THADA: variants seen among roughly 807,000 people sequenced by gnomAD.
THADA encodes the protein THADA armadillo repeat containing.
In THADA, 213 loss-of-function variants were observed where a neutral mutation model predicts 219.8. The observed-to-expected ratio is 0.97, with a 90% CI of 0.87 to 1.09. THADA has a LOEUF of 1.09. THADA is among the 50% of genes least tolerant of loss of function. THADA has a pLI of 0.00. For synonymous variants in THADA, 1,018 were observed against 828.9 expected (o/e 1.23, Z -3.92); for missense variants, 2,956 against 2,311.3 (o/e 1.28, Z -5.72).
intron 22 of THADA, among the ~76,000 whole-genome samples, chr2:43,521,086 G>A (rs1331023280): frequency 1.5e-5 from 2 of 136,402 alleles, no homozygotes; most frequent in Admixed American, 7.4e-5. Flanking sequence ...AGGGAAGGAA[G>A]GGAAGGGAGG....
intron 31 of THADA, among the ~76,000 whole-genome samples, chr2:43,301,351 A>G (rs1477564913): frequency 1.3e-5 from 2 of 152,258 alleles, no homozygotes; most frequent in Admixed American, 6.5e-5. Context: ...AATACGCACT[A>G]TGAATGTTCC....
chr2:43,566,764 A>G lies in THADA; in HGVS notation c.2245T>C (p.Tyr749His). 6.4e-7 allele frequency: 1 copy of G among 1,563,300 alleles called. No homozygotes were observed. The highest frequency in any genetic ancestry group is 8.6e-7 in the Non-Finnish European group (1 of 1,162,538). Residue 749 changes from tyrosine to histidine, a missense_variant, in exon 15 of 38, where the codon TAC becomes CAC. Transcript: ENST00000405975. ...GTTAAAGCTGAAAATCTAGTCGAGT[A>G]GGAAGATCCAGGAAACAATGCTTCA... is the stretch of plus-strand genomic sequence containing the variant. ...LFEALFPGSS[Y>H]STRFSALTIL...
At chr2:43,465,877 C>T (rs777314441) in intron 26 of THADA, among the ~76,000 whole-genome samples, 1 of 152,192 alleles carries the variant, frequency 6.6e-6, no homozygotes, top group Non-Finnish European at 1.5e-5. Flanking sequence ...AACTTGGTAT[C>T]TTCCCCCACC....
chr2:43,322,361 G>A (rs1423770561), intron 30 of THADA, among the ~76,000 whole-genome samples: 3 of 151,754 alleles, frequency 2.0e-5, no homozygotes, highest in Admixed American at 6.6e-5. Flanking sequence ...AAAATGAGCC[G>A]GGCAGGGTGG....
At chr2:43,575,216 A>C (rs1699733435) in intron 10 of THADA, among the ~76,000 whole-genome samples, 189 bp from the exon 11 acceptor site, 2 of 152,234 alleles carry the variant, frequency 1.3e-5, no homozygotes, top group Admixed American at 1.3e-4. Context: ...GATTCTTTTT[A>C]CCTTGTAAAA....
intron 1 of THADA, among the ~76,000 whole-genome samples, chr2:43,595,313 G>T (rs1019236029): frequency 6.6e-5 from 10 of 152,280 alleles, no homozygotes; most frequent in Middle Eastern, 3.4e-3. Context: ...ACGCAGCTAG[G>T]AAAGTGTCGA....
Position 43,291,454 on chromosome 2 carries a change from C to CAAAAAAAAAAA in THADA, c.5010+231_5010+241dup, listed in dbSNP as rs765352765. Among the ~76,000 whole-genome samples the CAAAAAAAAAAA allele has an allele frequency of 9.9e-3, 80 of 8,086 alleles. 9 individuals carry two copies. The highest frequency in any genetic ancestry group is 0.024 in the African/African-American group (52 of 2,196). 5.3% of individuals were successfully genotyped at this position (8,086 alleles called of 152,430 possible). A position where few individuals can be genotyped will look rare whatever the true frequency, so the allele number is the denominator to read the frequency against. ...GGGCAACAAGAGCAAAACTCCATCT[C>CAAAAAAAAAAA]AAAAAAAAAAAAAAAAAAAAAAAAA... On this transcript the variant is annotated intron_variant, in intron 34 of 37. Coordinates refer to ENST00000405975, the MANE Select transcript of THADA (RefSeq NM_022065.5).
rs1239181752 is a variant in THADA, at chr2:43,427,609, T to C, written c.4058+491A>G. Among the ~76,000 whole-genome samples the C allele has an allele frequency of 1.0e-4, 15 of 148,148 alleles. 2 individuals are homozygous for C. The East Asian group carries it at 2.7e-3, about 27-fold the overall frequency. On this transcript the variant is annotated intron_variant, in intron 28 of 37. Transcript: ENST00000405975. ...AAAGTTTTACATATAATATATATAATAGTTATATATATAATAGTTTTTAAT... is the reference window on the plus strand; with the variant it reads ...AAAGTTTTACATATAATATATATAACAGTTATATATATAATAGTTTTTAAT...
intron 31 of THADA, among the ~76,000 whole-genome samples, chr2:43,302,558 T>C (rs1265105800): frequency 6.6e-6 from 1 of 152,094 alleles, no homozygotes; most frequent in African/African-American, 2.4e-5. Flanking sequence ...TACTGTGCTA[T>C]GTCCTGGTTT....
chr2:43,264,892 A>T (rs1671349126), intron 36 of THADA, among the ~76,000 whole-genome samples: 1 of 152,240 alleles, frequency 6.6e-6, no homozygotes, highest in African/African-American at 2.4e-5. Context: ...TGACAGAAAC[A>T]AATGAACCCA....
At chr2:43,447,877 G>T (rs1262498258) in intron 26 of THADA, among the ~76,000 whole-genome samples, 1 of 151,982 alleles carries the variant, frequency 6.6e-6, no homozygotes, top group Non-Finnish European at 1.5e-5. Context: ...AACCACTCTG[G>T]TCTTTGCATA....
At chr2:43,416,192 T>C (rs1676947537) in intron 28 of THADA, among the ~76,000 whole-genome samples, 1 of 152,194 alleles carries the variant, frequency 6.6e-6, no homozygotes, top group African/African-American at 2.4e-5. Context: ...AACAAACCAA[T>C]GCTACCCACA....
chr2:43,417,882 T>C (rs1254904690), intron 28 of THADA, among the ~76,000 whole-genome samples: 2 of 152,190 alleles, frequency 1.3e-5, no homozygotes, highest in African/African-American at 4.8e-5. Flanking sequence ...TGGAATGGGA[T>C]AGTAACGACA....
chr2:43,501,996 TAGAC>T lies in THADA; in HGVS notation c.3622-3045_3622-3042del, dbSNP rs550965666. On this transcript the variant is annotated intron_variant, in intron 24 of 37. Coordinates refer to ENST00000405975, the MANE Select transcript of THADA (RefSeq NM_022065.5). ...TGGTTTTGCTCCAAAGATAGATTAA[TAGAC>T]AGCACAGAAACAGAACCACCTATCT... 5.9e-5 allele frequency among the ~76,000 whole-genome samples: 9 copies of T among 152,050 alleles called. No individual in the cohort carries two copies. The East Asian group carries it at 1.2e-3, about 20-fold the overall frequency.
chr2:43,517,921 T>C (rs1011327835), intron 22 of THADA, among the ~76,000 whole-genome samples: 7 of 152,150 alleles, frequency 4.6e-5, no homozygotes, highest in South Asian at 4.1e-4. Flanking sequence ...TAATACACCA[T>C]AGATTTTGGC....
chr2:43,591,443 C>T (rs1245029233), intron 3 of THADA, among the ~76,000 whole-genome samples: 1 of 152,120 alleles, frequency 6.6e-6, no homozygotes, highest in African/African-American at 2.4e-5. Context: ...CATGTCCCCA[C>T]CTCCCTCTTT....
chr2:43,533,987 T>C (rs1170032956), intron 21 of THADA, among the ~76,000 whole-genome samples: 1 of 152,154 alleles, frequency 6.6e-6, no homozygotes. Flanking sequence ...ATGATTAAAA[T>C]AATAGAGTTT....
chr2:43,328,180 T>G (rs1679548581), intron 30 of THADA, among the ~76,000 whole-genome samples: 1 of 152,188 alleles, frequency 6.6e-6, no homozygotes, highest in Admixed American at 6.6e-5. Context: ...AGGGGACTTG[T>G]TTAAATCAAA....
chr2:43,321,236 G>T (rs188612046), intron 30 of THADA, among the ~76,000 whole-genome samples: 60 of 152,298 alleles, frequency 3.9e-4, no homozygotes, highest in Admixed American at 5.9e-4. Flanking sequence ...CTTTGGCCAT[G>T]AAAAGGCCAA....
Sources: allele counts gnomAD v4.1 joint callset (sites outside exome capture counted in the v4.1 genomes callset), GRCh38; gene constraint gnomAD v4.1.1; transcripts MANE v1.5; gene names NCBI Gene and HGNC (gene_info 2026-07-23, HGNC 2026-07-21).